Variants in PTPN21 observed in about 807,000 individuals in gnomAD.
PTPN21 encodes the protein protein tyrosine phosphatase non-receptor type 21.
Under a neutral mutation model 131.8 loss-of-function variants are expected in PTPN21, and 77 were observed. The ratio of observed to expected loss-of-function variants is 0.58; its 90% confidence interval spans 0.49 to 0.71. The LOEUF (loss-of-function observed/expected upper bound fraction) is 0.71, where lower values mean the gene tolerates loss of function less well. PTPN21 is among the 30% of genes least tolerant of loss of function. The pLI is 0.00. For synonymous variants in PTPN21, 715 were observed against 621.3 expected (o/e 1.15, Z -2.24); for missense variants, 1,552 against 1,527.1 (o/e 1.02, Z -0.27).
At chr14:88,493,653 G>A (rs895925774) in intron 10 of PTPN21, among the ~76,000 whole-genome samples, 7 of 152,218 alleles carry the variant, frequency 4.6e-5, no homozygotes, top group East Asian at 1.9e-4. Context: ...GAGATAGGGC[G>A]TGGGGGGCCA....
intron 2 of PTPN21, among the ~76,000 whole-genome samples, chr14:88,548,382 C>A (rs1436764503): frequency 6.6e-6 from 1 of 152,292 alleles, no homozygotes; most frequent in South Asian, 2.1e-4. Context: ...GCTTCCTCTG[C>A]GTCTTTGGTC....
At position 88,550,322 on chromosome 14, in the gene PTPN21, G is replaced by C; in HGVS notation, c.96C>G (p.Asn32Lys). The C allele has an allele frequency of 6.2e-7, 1 of 1,614,216 alleles. No individual in the cohort carries two copies. Among genetic ancestry groups the C allele is most frequent in the Non-Finnish European group, 8.5e-7 (1 of 1,180,026 alleles). The change falls in exon 2 of 19, where the codon AAC becomes AAG. Residue 32 changes from asparagine (N) to lysine (K), a missense_variant. Physicochemically the swap from Asn to Lys is moderately conservative, Grantham distance 94. Around this residue, in one of 4 missense-constraint regions of PTPN21, gnomAD observed 206 missense variants for 221.6 expected, o/e 0.93. Coordinates refer to ENST00000556564, the MANE Select transcript of PTPN21 (RefSeq NM_007039.4). ...CGGACAGGGTGAACTCCACAAACTC[G>C]TTATTAAGCAGTTGGATCCGGGCAA... ...CLVARIQLLN[N>K]EFVEFTLSVE... is the part of the protein sequence containing the mutation.
At position 88,473,687 on chromosome 14, in the gene PTPN21, G is replaced by A; in HGVS notation, c.2627C>T (p.Thr876Ile). Residue 876 changes from threonine (T) to isoleucine (I), a missense_variant, in exon 14 of 19, where the codon ACC (threonine) becomes ATC (isoleucine). By Grantham distance (89) the Thr-to-Ile change is moderately conservative (BLOSUM62 -1). This residue lies in a region of PTPN21 where 316 missense variants were observed against 378.5 expected (regional missense o/e 0.83). Coordinates refer to ENST00000556564, the MANE Select transcript of PTPN21 (RefSeq NM_007039.4). Reference sequence around the variant, plus strand: ...TACCCTTTCATCATTCGTTGCTCTGGTAGCCACTTCCTTTCCTTCATCAGG... The same window carrying A: ...TACCCTTTCATCATTCGTTGCTCTGATAGCCACTTCCTTTCCTTCATCAGG... The part of the protein sequence containing the change: ...PLPDEGKEVA[T>I]RATNDERCKI... 6.2e-7 allele frequency: 1 copy of A among 1,612,728 alleles called. No homozygotes were observed. Among genetic ancestry groups the A allele is most frequent in the Non-Finnish European group, 8.5e-7 (1 of 1,179,750 alleles).
intron 3 of PTPN21, among the ~76,000 whole-genome samples, chr14:88,510,927 T>G (rs2078168475): frequency 6.6e-6 from 1 of 151,816 alleles, no homozygotes; most frequent in Non-Finnish European, 1.5e-5. Context: ...TTTTTTTTTT[T>G]TTTGAGACAG....
intron 9 of PTPN21, 60 bp downstream of exon 9, chr14:88,497,143 A>C: frequency 7.7e-7 from 1 of 1,300,782 alleles, no homozygotes; most frequent in Non-Finnish European, 1.1e-6. Flanking sequence ...AGGCACGCAG[A>C]AGTAGAACTT....
At chr14:88,507,406 C>T (rs77858325) in intron 4 of PTPN21, among the ~76,000 whole-genome samples, 2,529 of 152,256 alleles carry the variant, frequency 0.017, 42 homozygotes, top group Admixed American at 0.046. Flanking sequence ...GCCTACTCCA[C>T]ACCTAGGCTA....
chr14:88,491,353 G>A (rs891132108), intron 10 of PTPN21, among the ~76,000 whole-genome samples: 12 of 152,174 alleles, frequency 7.9e-5, no homozygotes, highest in African/African-American at 2.9e-4. Flanking sequence ...GGGACACCCT[G>A]GGATTACAGT....
chr14:88,497,705 G>A (rs2140125719), intron 8 of PTPN21, among the ~76,000 whole-genome samples: 1 of 152,112 alleles, frequency 6.6e-6, no homozygotes, highest in African/African-American at 2.4e-5. Flanking sequence ...TGTGAACCCG[G>A]GAGGCAGAGC....
intron 13 of PTPN21, among the ~76,000 whole-genome samples, chr14:88,475,057 A>C (rs528763425): frequency 2.0e-5 from 3 of 152,036 alleles, no homozygotes; most frequent in Admixed American, 6.6e-5. Context: ...GTGCCACTGC[A>C]CTCCAGCCTG....
rs761964302 is a variant in PTPN21, at chr14:88,469,602, C to G, written c.3132G>C (p.Leu1044=). The G allele has an allele frequency of 6.2e-7, 1 of 1,614,134 alleles. No individual in the cohort carries two copies. Among genetic ancestry groups the G allele is most frequent in the Admixed American group, 1.7e-5 (1 of 60,016 alleles). ...GCCCAGTAAGGAGGTGCTTCATCTT[C>G]AGGCCTGTGGTGGCATAGCAGCCAG... is the stretch of plus-strand genomic sequence containing the variant. ...TDSGCYATTG[L]KMKHLLTGQE... The change falls in exon 17 of 19, where the codon CTG becomes CTC. Residue 1044 remains leucine, a synonymous_variant. Coordinates refer to ENST00000556564, the MANE Select transcript of PTPN21 (RefSeq NM_007039.4). The surrounding 1 kb of genome is among the most constrained non-coding windows in gnomAD (Gnocchi z 4.3).
chr14:88,521,981 G>C (rs1258454972), intron 2 of PTPN21, among the ~76,000 whole-genome samples: 1 of 152,144 alleles, frequency 6.6e-6, no homozygotes, highest in Non-Finnish European at 1.5e-5. Flanking sequence ...CTTTATCAGT[G>C]CATCTATTAC....
intron 13 of PTPN21, 124 bp downstream of exon 13, chr14:88,478,796 C>T (rs573823667): frequency 3.4e-5 from 18 of 526,474 alleles, no homozygotes; most frequent in South Asian, 6.3e-5. Context: ...AAGAGAGTGA[C>T]GTGGGGGAAT....
intron 13 of PTPN21, among the ~76,000 whole-genome samples, chr14:88,476,418 C>G (rs73329680): frequency 0.037 from 5,625 of 152,228 alleles, 352 homozygotes; most frequent in African/African-American, 0.13. Flanking sequence ...AATGTAAAAA[C>G]TGAGTCACAG....
intron 10 of PTPN21, among the ~76,000 whole-genome samples, chr14:88,490,275 C>T (rs769810299): frequency 3.3e-5 from 5 of 152,076 alleles, no homozygotes; most frequent in Non-Finnish European, 5.9e-5. Context: ...TCTCAAAGTG[C>T]TGGGATTACA....
At position 88,472,376 on chromosome 14, in the gene PTPN21, G is replaced by C; in HGVS notation, c.2739C>G (p.Cys913Trp). ...ILKKRLVDGE[C>W]STARLPENAE... ...CATTTTCAGGGAGTCGTGCTGTTGA[G>C]CACTCCCCATCAACTAGCCGTTTCT... Residue 913 changes from cysteine (C) to tryptophan (W), a missense_variant, in exon 15 of 19, where the codon TGC becomes TGG. Cys to Trp is a radical substitution (Grantham distance 215). This residue lies in a region of PTPN21 where 316 missense variants were observed against 378.5 expected (regional missense o/e 0.83). Transcript: ENST00000556564. 2 of 1,613,580 alleles carry C rather than the reference G, an allele frequency of 1.2e-6. No individual in the cohort carries two copies. Among genetic ancestry groups the C allele is most frequent in the Non-Finnish European group, 1.7e-6 (2 of 1,179,538 alleles).
chr14:88,504,630 T>C (rs1275799614), intron 5 of PTPN21, 135 bp from the exon 6 acceptor site: 2 of 629,248 alleles, frequency 3.2e-6, no homozygotes, highest in Non-Finnish European at 5.6e-6. Flanking sequence ...GGGAGCTTTG[T>C]TTACATAGGT....
intron 8 of PTPN21, 34 bp from the exon 9 acceptor site, chr14:88,497,324 A>T (rs1364986650): frequency 3.9e-6 from 6 of 1,521,300 alleles, no homozygotes; most frequent in Non-Finnish European, 4.6e-6. Flanking sequence ...TGGCAATGTG[A>T]GTGCCCATGG....
At chr14:88,547,335 A>G (rs916541190) in intron 2 of PTPN21, among the ~76,000 whole-genome samples, 1 of 151,530 alleles carries the variant, frequency 6.6e-6, no homozygotes, top group Non-Finnish European at 1.5e-5. Flanking sequence ...AAAGTAAATA[A>G]ATAAATAAAT....
intron 6 of PTPN21, among the ~76,000 whole-genome samples, chr14:88,502,050 A>C (rs925457300): frequency 1.3e-5 from 2 of 152,194 alleles, no homozygotes; most frequent in African/African-American, 4.8e-5. Flanking sequence ...AACGCAGGGA[A>C]TAAGGGTACG....
Sources: gnomAD v4.1 joint callset for allele counts (sites outside exome capture counted in the v4.1 genomes callset) on GRCh38, gnomAD v4.1.1 for gene constraint, gnomAD v4.1.1 regional missense constraint, Gnocchi (gnomAD v3.1) non-coding constraint, MANE v1.5 for transcripts, NCBI Gene and HGNC (gene_info 2026-07-23, HGNC 2026-07-21) for gene names.